The following ZNRF1 variants were observed in gnomAD, a reference collection of about 807,000 sequenced individuals.
ZNRF1 encodes E3 ubiquitin-protein ligase ZNRF1.
A neutral mutation model predicts 18.4 loss-of-function variants in ZNRF1; 3 were observed. The ratio of observed to expected loss-of-function variants is 0.16; its 90% CI spans 0.07 to 0.42. The LOEUF is 0.42. Ranked by LOEUF, ZNRF1 falls within the 10% of genes least tolerant of loss-of-function variation. ZNRF1 has a pLI of 0.99. For missense variants in ZNRF1, 310 were observed against 329.8 expected (o/e 0.94, Z 0.47); for synonymous variants, 157 against 144.2 (o/e 1.09, Z -0.64).
At position 75,034,473 on chromosome 16, in the gene ZNRF1, T is replaced by G. The variant is rs374673413; in HGVS notation, c.424+34378T>G. ...GTTGGAGCAAATGTCAGAATTTACT[T>G]CCTTTTTATGTACATAACACATTTT... On this transcript the variant is annotated intron_variant, in intron 1 of 4. Coordinates refer to ENST00000335325, the MANE Select transcript of ZNRF1 (RefSeq NM_032268.5). 3.9e-5 allele frequency among the ~76,000 whole-genome samples: 6 copies of G among 152,236 alleles called. No individual in the cohort carries two copies. In the South Asian group the frequency reaches 1.2e-3, roughly 32 times the overall value.
chr16:75,028,232 A>C (rs530159544), intron 1 of ZNRF1, among the ~76,000 whole-genome samples: 8 of 152,336 alleles, frequency 5.3e-5, no homozygotes, highest in African/African-American at 1.9e-4. Context: ...AACAGGAATA[A>C]CAAATTAACT....
rs547605078 is a variant in ZNRF1, at chr16:75,104,938, G to A, written c.626+49G>A. The A allele has an allele frequency of 4.8e-6, 7 of 1,453,656 alleles. No individual in the cohort carries two copies. In the African/African-American group the frequency reaches 9.8e-5, roughly 20 times the overall value. The allele number at this position is 1,453,656 out of a possible 1,614,324, so 90.0% of individuals were successfully genotyped here. Reference sequence around the variant, plus strand: ...TTAGTGCACCCCACCTCCCAGAGGGGCGGACCCCCATCTCCAGCCATTCTG... The same window carrying A: ...TTAGTGCACCCCACCTCCCAGAGGGACGGACCCCCATCTCCAGCCATTCTG... On this transcript the variant is annotated intron_variant, in intron 3 of 4. Coordinates refer to ENST00000335325, the MANE Select transcript of ZNRF1 (RefSeq NM_032268.5).
At chr16:75,028,078 C>T (rs1343880542) in intron 1 of ZNRF1, among the ~76,000 whole-genome samples, 1 of 152,180 alleles carries the variant, frequency 6.6e-6, no homozygotes, top group Non-Finnish European at 1.5e-5. Context: ...GCCAATACCT[C>T]CATTTGCAAA....
chr16:75,040,123 C>T (rs932673585), intron 1 of ZNRF1, among the ~76,000 whole-genome samples: 4 of 142,704 alleles, frequency 2.8e-5, no homozygotes, highest in African/African-American at 1.0e-4. Flanking sequence ...TAGCTCACCG[C>T]AGCCTTGACC....
intron 1 of ZNRF1, among the ~76,000 whole-genome samples, chr16:75,051,158 A>C (rs2145374213): frequency 6.6e-6 from 1 of 151,700 alleles, no homozygotes; most frequent in South Asian, 2.1e-4. Flanking sequence ...CTATGATTGC[A>C]CTGTACGGGT....
intron 1 of ZNRF1, among the ~76,000 whole-genome samples, chr16:75,065,950 C>T (rs555966075): frequency 4.8e-4 from 73 of 152,248 alleles, no homozygotes; most frequent in African/African-American, 1.7e-3. Context: ...AAGTCCTGCA[C>T]CTGTTGGGAG....
At chr16:75,004,074 G>C (rs867134118) in intron 1 of ZNRF1, among the ~76,000 whole-genome samples, 1 of 151,756 alleles carries the variant, frequency 6.6e-6, no homozygotes, top group Non-Finnish European at 1.5e-5. Flanking sequence ...GATCCTCCCA[G>C]CTTGGCTTCC....
intron 3 of ZNRF1, chr16:75,106,224 A>C (rs1597913991): frequency 2.0e-6 from 1 of 493,878 alleles, no homozygotes; most frequent in Non-Finnish European, 3.7e-6. Flanking sequence ...TCTGAAAGCC[A>C]CTCTGCCCCT....
intron 1 of ZNRF1, among the ~76,000 whole-genome samples, chr16:75,047,973 A>G (rs1214036505): frequency 6.8e-6 from 1 of 148,046 alleles, no homozygotes; most frequent in African/African-American, 2.5e-5. Flanking sequence ...TTTTTTTGAG[A>G]CAAGGTCTGG....
Position 75,077,499 on chromosome 16 carries a change from T to C in ZNRF1, c.425-16073T>C, listed in dbSNP as rs543960832. Among the ~76,000 whole-genome samples, 5 of 152,292 alleles carry C rather than the reference T, an allele frequency of 3.3e-5. No homozygotes were observed. In the East Asian group the frequency reaches 9.6e-4, roughly 29 times the overall value. ...GTGAGCCAAGACCGCACCACTGCACTCCAGCCTGGCGACAGAGCGAGATTC... is the reference window on the plus strand; with the variant it reads ...GTGAGCCAAGACCGCACCACTGCACCCCAGCCTGGCGACAGAGCGAGATTC... On this transcript the variant is annotated intron_variant, in intron 1 of 4. Transcript: ENST00000335325.
intron 1 of ZNRF1, among the ~76,000 whole-genome samples, chr16:75,010,699 C>CTATTTTTTTTTTT (rs1567464687): frequency 1.9e-5 from 2 of 103,110 alleles, no homozygotes; most frequent in Non-Finnish European, 3.8e-5. Flanking sequence ...CTGTACTGTA[C>CTATTTTTTTTTTT]TGTTTTTTTT....
At chr16:75,041,664 G>A (rs1489559240) in intron 1 of ZNRF1, among the ~76,000 whole-genome samples, 1 of 152,088 alleles carries the variant, frequency 6.6e-6, no homozygotes, top group South Asian at 2.1e-4. Context: ...TCGTTAGCTA[G>A]TGATGATCCC....
intron 1 of ZNRF1, among the ~76,000 whole-genome samples, chr16:75,089,424 A>T (rs1345900299): frequency 2.0e-5 from 3 of 152,050 alleles, no homozygotes; most frequent in African/African-American, 4.8e-5. Flanking sequence ...CTATTTCTTG[A>T]GCTATGCCAA....
At chr16:75,055,412 G>A (rs2035656067) in intron 1 of ZNRF1, among the ~76,000 whole-genome samples, 2 of 152,172 alleles carry the variant, frequency 1.3e-5, no homozygotes, top group South Asian at 4.1e-4. Flanking sequence ...CCTTCTTGCA[G>A]CAGAACCAGT....
intron 2 of ZNRF1, among the ~76,000 whole-genome samples, chr16:75,102,810 G>C (rs1279240783): frequency 6.6e-6 from 1 of 152,152 alleles, no homozygotes; most frequent in Non-Finnish European, 1.5e-5. Context: ...TCCTTCTCAT[G>C]CTTTCCTCCT....
intron 1 of ZNRF1, among the ~76,000 whole-genome samples, chr16:75,027,139 C>T (rs144809999): frequency 1.4e-3 from 210 of 151,988 alleles, no homozygotes; most frequent in African/African-American, 4.9e-3. Context: ...TGTATAGTGG[C>T]TCCTTCCTGT....
At chr16:75,054,210 T>C (rs539386785) in intron 1 of ZNRF1, among the ~76,000 whole-genome samples, 5 of 152,284 alleles carry the variant, frequency 3.3e-5, no homozygotes, top group African/African-American at 1.2e-4. Flanking sequence ...TCTTTCAGAG[T>C]GGGAAGGACC....
intron 2 of ZNRF1, among the ~76,000 whole-genome samples, chr16:75,097,095 A>G (rs1355026965): frequency 6.6e-6 from 1 of 152,144 alleles, no homozygotes; most frequent in Non-Finnish European, 1.5e-5. Flanking sequence ...TGTGGGTAAG[A>G]TGGATCAACC....
Position 75,108,422 on chromosome 16 carries a change from A to G in ZNRF1, c.*722A>G. The stretch of plus-strand genomic sequence containing the variant: ...AAGTGTCCTGCAAAAATGCCTGAAC[A>G]TTATTCTTAGGCCCTCGTGGATTTT... On this transcript the variant is annotated 3_prime_UTR_variant, in exon 5 of 5. Transcript: ENST00000335325. 2.5e-6 allele frequency: 1 copy of G among 394,898 alleles called. No homozygotes were observed. Among genetic ancestry groups the G allele is most frequent in the Non-Finnish European group, 4.5e-6 (1 of 224,458 alleles). 24.5% of individuals were successfully genotyped at this position (394,898 alleles called of 1,614,324 possible).
Sources: allele counts gnomAD v4.1 joint callset (sites outside exome capture counted in the v4.1 genomes callset), GRCh38; gene constraint gnomAD v4.1.1; transcripts MANE v1.5; gene names NCBI Gene and HGNC (gene_info 2026-07-23, HGNC 2026-07-21).